The following FER1L5 variants were observed in gnomAD, a reference collection of about 807,000 sequenced individuals.
The protein encoded by FER1L5 is fer-1 like family member 5, also known as fer-1-like protein 5.
FER1L5 carries 187 observed loss-of-function variants against 279.9 expected under a neutral mutation model. The observed-to-expected ratio is 0.67, with a 90% CI of 0.59 to 0.75. FER1L5 has a LOEUF of 0.75. FER1L5 is among the 30% of genes least tolerant of loss of function. The pLI is 0.00. For missense variants in FER1L5, 2,091 were observed against 2,594.4 expected, an observed-to-expected ratio of 0.81 and a Z score of 4.21; for synonymous variants, 921 against 989.7, an observed-to-expected ratio of 0.93 and a Z score of 1.30.
chr2:96,699,027 A>C lies in FER1L5; in HGVS notation c.4519-18A>C, dbSNP rs150880343. 1.5e-3 allele frequency: 2,424 copies of C among 1,595,736 alleles called. 53 individuals carry two copies. In the East Asian group the frequency reaches 0.048, roughly 32 times the overall value. On this transcript the variant is annotated intron_variant, in intron 41 of 52. Coordinates refer to ENST00000624922, the MANE Select transcript of FER1L5 (RefSeq NM_001293083.2). The stretch of plus-strand genomic sequence containing the variant: ...CCTCCCCAGTTCCTATCCTTCCCCC[A>C]CTTGTATCTGACCCCAGTGTGACCC...
intron 19 of FER1L5, among the ~76,000 whole-genome samples, chr2:96,681,256 G>C (rs1241292726): frequency 6.6e-6 from 1 of 152,202 alleles, no homozygotes; most frequent in Non-Finnish European, 1.5e-5. Context: ...CAGGAGGCTG[G>C]GGTGGGCTTG....
At chr2:96,651,705 G>A (rs548048827) in intron 6 of FER1L5, among the ~76,000 whole-genome samples, 187 bp from the exon 7 acceptor site, 1 of 152,132 alleles carries the variant, frequency 6.6e-6, no homozygotes, top group African/African-American at 2.4e-5. Context: ...GTTTTGCCAT[G>A]TTGCCCAGTC....
In FER1L5 at chr2:96,691,526, C is replaced by A. The variant is rs954217634; in HGVS notation, c.2989C>A (p.Arg997=). 5 of 1,550,114 alleles carry A rather than the reference C, an allele frequency of 3.2e-6. No homozygotes were observed. The highest frequency in any genetic ancestry group is 4.4e-6 in the Non-Finnish European group (5 of 1,146,576). ...KFHLNPQPQS[R]FRRRCWRRRL... is the part of the protein sequence containing the mutation. ...CCACCTCAACCCTCAGCCCCAGAGC[C>A]GGTTCCGCCGCCGCTGCTGGCGCCG... The change falls in exon 29 of 53, where the codon CGG becomes AGG. Residue 997 remains arginine (R), a synonymous_variant. Transcript: ENST00000624922. The surrounding 1 kb of genome is among the most constrained non-coding windows in gnomAD (Gnocchi z 6.0).
At chr2:96,644,295 G>A (rs754679796) in intron 1 of FER1L5, among the ~76,000 whole-genome samples, 1 of 151,646 alleles carries the variant, frequency 6.6e-6, no homozygotes, top group Non-Finnish European at 1.5e-5. Context: ...TGGCTAACAC[G>A]GTGAAACCCC....
intron 19 of FER1L5, among the ~76,000 whole-genome samples, chr2:96,681,972 G>C (rs894355799): frequency 1.3e-5 from 2 of 151,884 alleles, no homozygotes; most frequent in African/African-American, 4.8e-5. Context: ...TTGTAATAGA[G>C]ACGGGGTTTC....
At chr2:96,693,763 A>T (rs2077249320) in intron 32 of FER1L5, 76 bp downstream of exon 32, 2 of 1,495,020 alleles carry the variant, frequency 1.3e-6, no homozygotes, top group Non-Finnish European at 1.8e-6. Flanking sequence ...TTTAGATGAA[A>T]ATGTATGGAA....
intron 7 of FER1L5, 82 bp downstream of exon 7, chr2:96,652,102 G>A (rs1479923211): frequency 1.2e-5 from 18 of 1,533,014 alleles, no homozygotes; most frequent in Non-Finnish European, 1.5e-5. Context: ...CTTGCTCCTT[G>A]ACTAGGGTGT....
intron 19 of FER1L5, among the ~76,000 whole-genome samples, chr2:96,674,883 T>C (rs1167737152): frequency 6.6e-6 from 1 of 152,094 alleles, no homozygotes; most frequent in Non-Finnish European, 1.5e-5. Context: ...TAGAAAACTA[T>C]CAGCATCTTA....
At chr2:96,681,178 G>T (rs1383112521) in intron 19 of FER1L5, among the ~76,000 whole-genome samples, 1 of 152,120 alleles carries the variant, frequency 6.6e-6, no homozygotes, top group Non-Finnish European at 1.5e-5. Flanking sequence ...TACCAGCCTG[G>T]GTAACACAGA....
intron 20 of FER1L5, among the ~76,000 whole-genome samples, chr2:96,684,876 G>A (rs753069782): frequency 1.2e-4 from 19 of 152,168 alleles, no homozygotes; most frequent in Non-Finnish European, 1.2e-4. Flanking sequence ...GGAATAACCT[G>A]CAAAGCCGCG....
rs1449624555 is a variant in FER1L5, at chr2:96,661,798, G to T, written c.1018+7G>T. On this transcript the variant is annotated splice_region_variant and intron_variant, in intron 12 of 52. Transcript: ENST00000624922. ...GCAGAGGACCTTCACCTCAGTTAGA[G>T]TCTGGGTGCAGGGGAGGGAGCAGCC... 1 of 1,551,476 alleles carries T rather than the reference G, an allele frequency of 6.4e-7. No individual in the cohort carries two copies. Among genetic ancestry groups the T allele is most frequent in the African/African-American group, 1.4e-5 (1 of 73,114 alleles).
rs1278696732 is a variant in FER1L5 at position 96,691,389 on chromosome 2, G to A, written c.2907+36G>A. The stretch of plus-strand genomic sequence containing the variant: ...GACGGGCGCCCTGGCTGGGACTGCG[G>A]GCAGGGCCGCCTTGGCTGCTGCAGG... On this transcript the variant is annotated intron_variant, in intron 28 of 52. Coordinates refer to ENST00000624922, the MANE Select transcript of FER1L5 (RefSeq NM_001293083.2). This position sits in a 1 kb window ranked among gnomAD's most constrained non-coding sequence, Gnocchi z 6.0. 1 of 1,539,886 alleles carries A rather than the reference G, an allele frequency of 6.5e-7. No individual in the cohort carries two copies. The highest frequency in any genetic ancestry group is 8.8e-7 in the Non-Finnish European group (1 of 1,139,462).
chr2:96,654,702 A>G (rs2075525523), intron 9 of FER1L5: 1 of 304,020 alleles, frequency 3.3e-6, no homozygotes, highest in Non-Finnish European at 6.0e-6. Flanking sequence ...GATCGAGACC[A>G]TCGTGGCTAA....
chr2:96,662,135 T>G, intron 12 of FER1L5, 80 bp from the exon 13 acceptor site: 1 of 1,402,136 alleles, frequency 7.1e-7, no homozygotes, highest in Non-Finnish European at 9.9e-7. Context: ...GGGAGGGTTT[T>G]CAGTTGTTCT....
chr2:96,691,180 C>T lies in FER1L5; in HGVS notation c.2744-10C>T, dbSNP rs2077127475. 6.5e-7 allele frequency: 1 copy of T among 1,542,934 alleles called. No homozygotes were observed. Among genetic ancestry groups the T allele is most frequent in the Non-Finnish European group, 8.8e-7 (1 of 1,142,344 alleles). ...CTGAGGACTCAGAGGCCATGGTCCA[C>T]CCACCGCAGGCTGGGAGTATGGAGT... On this transcript the variant is annotated splice_polypyrimidine_tract_variant and intron_variant, in intron 27 of 52. Transcript: ENST00000624922. This position sits in a 1 kb window ranked among gnomAD's most constrained non-coding sequence, Gnocchi z 6.0.
At position 96,659,357 on chromosome 2, in the gene FER1L5, C is replaced by CTTT. The variant is rs1558853546; in HGVS notation, c.748-984_748-983insTTT. On this transcript the variant is annotated intron_variant, in intron 9 of 52. Coordinates refer to ENST00000624922, the MANE Select transcript of FER1L5 (RefSeq NM_001293083.2). ...TCCTTCCTTCCTTCCTTCCTTCCTTCCTTCCTTCTTTCTTTCTTTCTTTCT... is the reference window on the plus strand; with the variant it reads ...TCCTTCCTTCCTTCCTTCCTTCCTTCTTTCTTCCTTCTTTCTTTCTTTCTTTCT... Among the ~76,000 whole-genome samples, 91 of 68,666 alleles carry CTTT rather than the reference C, an allele frequency of 1.3e-3. 7 individuals carry two copies. The Middle Eastern group carries it at 0.029, about 22-fold the overall frequency. 45.0% of individuals were successfully genotyped at this position (68,666 alleles called of 152,430 possible).
chr2:96,695,247 A>G, intron 34 of FER1L5: 1 of 462,826 alleles, frequency 2.2e-6, no homozygotes, highest in Non-Finnish European at 3.8e-6. Context: ...AGGTCAGTGG[A>G]GGATGCAGCC....
Position 96,704,750 on chromosome 2 carries a change from T to TCC in FER1L5, c.*58_*59insCC. 7.5e-7 allele frequency: 1 copy of TCC among 1,336,174 alleles called. No individual in the cohort carries two copies. The highest frequency in any genetic ancestry group is 1.2e-5 in the South Asian group (1 of 83,028). 82.8% of individuals were successfully genotyped at this position (1,336,174 alleles called of 1,614,324 possible). Reference sequence around the variant, plus strand: ...CCAACAGCCCTCCCCTTGGGCTGGCTACCAGTTCTTTGTTTCTATCTTCTA... The same window carrying TCC: ...CCAACAGCCCTCCCCTTGGGCTGGCTCCACCAGTTCTTTGTTTCTATCTTCTA... On this transcript the variant is annotated 3_prime_UTR_variant, in exon 53 of 53. Transcript: ENST00000624922.
At chr2:96,643,982 G>A (rs1436781243) in intron 1 of FER1L5, among the ~76,000 whole-genome samples, 1 of 150,428 alleles carries the variant, frequency 6.6e-6, no homozygotes, top group African/African-American at 2.4e-5. Flanking sequence ...GACCAGCCTG[G>A]CCAACACGGT....
Sources: allele counts gnomAD v4.1 joint callset (sites outside exome capture counted in the v4.1 genomes callset), GRCh38; gene constraint gnomAD v4.1.1; non-coding constraint Gnocchi (gnomAD v3.1); transcripts MANE v1.5; gene names NCBI Gene and HGNC (gene_info 2026-07-23, HGNC 2026-07-21).